Variants in PTPN12 observed in about 807,000 individuals in gnomAD.
The protein encoded by PTPN12 is protein tyrosine phosphatase non-receptor type 12.
In PTPN12, 29 loss-of-function variants were observed where a neutral mutation model predicts 97.6. The observed-to-expected ratio is 0.30, with a 90% CI of 0.22 to 0.41. PTPN12 has a LOEUF of 0.41. Ranked by LOEUF, PTPN12 falls within the 10% of genes least tolerant of loss-of-function variation. PTPN12 has a pLI of 1.00. For missense variants in PTPN12, 819 were observed against 926.0 expected, an observed-to-expected ratio of 0.88 and a Z score of 1.50; for synonymous variants, 327 against 300.4, an observed-to-expected ratio of 1.09 and a Z score of -0.91.
At chr7:77,636,435 AG>A (rs1789595825) in intron 15 of PTPN12, among the ~76,000 whole-genome samples, 1 of 151,990 alleles carries the variant, frequency 6.6e-6, no homozygotes, top group Non-Finnish European at 1.5e-5. Flanking sequence ...TTTTAAAATT[AG>A]CCAGGCGTGG....
intron 12 of PTPN12, 35 bp downstream of exon 12, chr7:77,618,600 A>G (rs905256813): frequency 6.4e-6 from 9 of 1,401,854 alleles, no homozygotes; most frequent in African/African-American, 1.4e-5. Context: ...CTTTAAAAGC[A>G]TACTTGTTTC....
rs114128568 is a variant in PTPN12 at position 77,627,002 on chromosome 7, C to T, written c.1323C>T (p.Val441=). The T allele has an allele frequency of 6.2e-4, 999 of 1,609,352 alleles. 10 individuals carry two copies. The African/African-American group carries it at 0.013, about 20-fold the overall frequency. Residue 441 remains valine, a synonymous_variant, in exon 13 of 18, where the codon GTC becomes GTT. Coordinates refer to ENST00000248594, the MANE Select transcript of PTPN12 (RefSeq NM_002835.4). ...ATTTAAGTTTTGAGATTAAGAAGGTCCCTCTCCAAGAGGGACCAAAAAGTT... is the reference window on the plus strand; with the variant it reads ...ATTTAAGTTTTGAGATTAAGAAGGTTCCTCTCCAAGAGGGACCAAAAAGTT... ...ERNLSFEIKK[V]PLQEGPKSFD... is the part of the protein sequence containing the mutation.
chr7:77,623,158 G>A (rs1400234413), intron 12 of PTPN12, among the ~76,000 whole-genome samples: 7 of 152,150 alleles, frequency 4.6e-5, no homozygotes, highest in South Asian at 2.1e-4. Flanking sequence ...GTTACATTAT[G>A]AAATTATAGA....
intron 5 of PTPN12, among the ~76,000 whole-genome samples, chr7:77,589,568 A>C (rs1294406621): frequency 1.3e-5 from 2 of 152,138 alleles, no homozygotes; most frequent in Non-Finnish European, 2.9e-5. Context: ...TAAGCAATAT[A>C]TTGCAAAAGA....
intron 5 of PTPN12, among the ~76,000 whole-genome samples, chr7:77,588,010 G>A (rs1760393846): frequency 6.6e-6 from 1 of 152,214 alleles, no homozygotes; most frequent in Non-Finnish European, 1.5e-5. Context: ...AAATGTTGCA[G>A]CTGGTTTGAT....
chr7:77,542,417 T>A (rs150136810), intron 1 of PTPN12, among the ~76,000 whole-genome samples: 2,782 of 152,222 alleles, frequency 0.018, 34 homozygotes, highest in Middle Eastern at 0.071. Context: ...ACTGAGTCTT[T>A]TAAGAAAGGT....
chr7:77,560,993 G>A (rs1807972124), intron 1 of PTPN12, among the ~76,000 whole-genome samples: 1 of 152,136 alleles, frequency 6.6e-6, no homozygotes. Context: ...TATAGTAACT[G>A]TATCATTTTA....
At chr7:77,637,133 T>C in intron 16 of PTPN12, 85 bp downstream of exon 16, 1 of 1,075,972 alleles carries the variant, frequency 9.3e-7, no homozygotes, top group South Asian at 1.4e-5. Context: ...TAGTTCATGC[T>C]ATATAGTTAT....
rs552149245 is a variant in PTPN12, at chr7:77,628,338, A to G, written c.1996+663A>G. Among the ~76,000 whole-genome samples the G allele has an allele frequency of 8.5e-5, 13 of 152,292 alleles. No homozygotes were observed. The South Asian group carries it at 2.1e-3, about 24-fold the overall frequency. On this transcript the variant is annotated intron_variant, in intron 13 of 17. Transcript: ENST00000248594. ...GATAATGCATGCACTCAGTTCCCAAAGTGTATTATTGCTTCTTGAAACTCC... is the reference window on the plus strand; with the variant it reads ...GATAATGCATGCACTCAGTTCCCAAGGTGTATTATTGCTTCTTGAAACTCC...
chr7:77,621,305 C>G (rs1788929130), intron 12 of PTPN12, among the ~76,000 whole-genome samples: 1 of 152,034 alleles, frequency 6.6e-6, no homozygotes, highest in South Asian at 2.1e-4. Context: ...TAGAATACCT[C>G]CTGAAGAACC....
At chr7:77,546,281 C>T (rs375464194) in intron 1 of PTPN12, among the ~76,000 whole-genome samples, 47 of 152,238 alleles carry the variant, frequency 3.1e-4, no homozygotes, top group African/African-American at 1.1e-3. Flanking sequence ...AATATTTTAG[C>T]ACAGTTAATC....
intron 1 of PTPN12, among the ~76,000 whole-genome samples, chr7:77,558,960 G>A (rs1807861844): frequency 1.3e-5 from 2 of 152,188 alleles, no homozygotes; most frequent in Non-Finnish European, 2.9e-5. Flanking sequence ...GTTGCAGTGA[G>A]CCTTAATCAT....
chr7:77,565,149 G>C (rs1381780954), intron 1 of PTPN12, among the ~76,000 whole-genome samples: 1 of 152,162 alleles, frequency 6.6e-6, no homozygotes, highest in African/African-American at 2.4e-5. Context: ...CTTCAGCTTT[G>C]ATACTTAATT....
At chr7:77,564,608 T>C (rs1280770998) in intron 1 of PTPN12, among the ~76,000 whole-genome samples, 1 of 152,088 alleles carries the variant, frequency 6.6e-6, no homozygotes, top group Non-Finnish European at 1.5e-5. Flanking sequence ...AGTATAACTC[T>C]TAAGCTTAAA....
intron 1 of PTPN12, among the ~76,000 whole-genome samples, chr7:77,554,663 T>G (rs1562708216): frequency 6.6e-6 from 1 of 152,224 alleles, no homozygotes; most frequent in Non-Finnish European, 1.5e-5. Flanking sequence ...AAGGTAGGTC[T>G]GTGGCAACAG....
At chr7:77,572,941 G>C (rs754828257) in intron 2 of PTPN12, among the ~76,000 whole-genome samples, 27 of 151,994 alleles carry the variant, frequency 1.8e-4, no homozygotes, top group South Asian at 8.3e-4. Context: ...AAATTAGCCA[G>C]ATGTGGTGGC....
In PTPN12 at chr7:77,560,777, A is replaced by G. The variant is rs1018180784; in HGVS notation, c.100-10301A>G. 3.9e-5 allele frequency among the ~76,000 whole-genome samples: 6 copies of G among 152,138 alleles called. No homozygotes were observed. In the East Asian group the frequency reaches 1.2e-3, roughly 29 times the overall value. On this transcript the variant is annotated intron_variant, in intron 1 of 17. Coordinates refer to ENST00000248594, the MANE Select transcript of PTPN12 (RefSeq NM_002835.4). ...ATACTGCATTGTATGTATATACTAC[A>G]TTTTGTTTATCTATTTGCCCATAGC...
Position 77,639,228 on chromosome 7 carries a change from A to G in PTPN12, c.2291A>G (p.Asn764Ser). ...PTEATDIGFG[N>S]RCGKPKGPRD... ...GGTGTTTTCACTGTAGGTTTTGGTA[A>G]TCGATGTGGAAAACCCAAAGGACCA... Residue 764 changes from asparagine to serine, a missense_variant, in exon 18 of 18, where the codon AAT becomes AGT. By Grantham distance (46) the Asn-to-Ser change is conservative (BLOSUM62 1). Around this residue, in one of 5 missense-constraint regions of PTPN12, gnomAD observed 607 missense variants for 577.3 expected, o/e 1.05. Transcript: ENST00000248594. 1 of 1,611,970 alleles carries G rather than the reference A, an allele frequency of 6.2e-7. No individual in the cohort carries two copies.
chr7:77,575,653 A>G (rs1787319112), intron 2 of PTPN12, among the ~76,000 whole-genome samples: 1 of 152,196 alleles, frequency 6.6e-6, no homozygotes, highest in Non-Finnish European at 1.5e-5. Flanking sequence ...GTGCAATTCA[A>G]TGATTTTTTT....
Sources: allele counts gnomAD v4.1 joint callset (sites outside exome capture counted in the v4.1 genomes callset), GRCh38; gene constraint gnomAD v4.1.1; regional missense constraint gnomAD v4.1.1; transcripts MANE v1.5; gene names NCBI Gene and HGNC (gene_info 2026-07-23, HGNC 2026-07-21).